ERCC6L2: variants seen among roughly 807,000 people sequenced by gnomAD.
The protein encoded by ERCC6L2 is DNA excision repair protein ERCC-6-like 2.
In ERCC6L2, 77 loss-of-function variants were observed where a neutral mutation model predicts 132.0. The observed-to-expected ratio is 0.58, with a 90% CI of 0.49 to 0.71. The LOEUF (loss-of-function observed/expected upper bound fraction) is 0.71, where lower values mean the gene tolerates loss of function less well. ERCC6L2 is among the 30% of genes least tolerant of loss of function. The pLI is 0.00. For missense variants in ERCC6L2, 1,542 were observed against 1,837.6 expected, an observed-to-expected ratio of 0.84 and a Z score of 2.94; for synonymous variants, 583 against 632.4, an observed-to-expected ratio of 0.92 and a Z score of 1.17.
chr9:96,007,620 C>T (rs1833903338), intron 18 of ERCC6L2, among the ~76,000 whole-genome samples: 1 of 152,160 alleles, frequency 6.6e-6, no homozygotes, highest in Non-Finnish European at 1.5e-5. Flanking sequence ...ATGCAAGAGC[C>T]TTGCCTTGCA....
At chr9:95,916,564 G>A (rs971975704) in intron 6 of ERCC6L2, 130 bp downstream of exon 6, 2 of 652,588 alleles carry the variant, frequency 3.1e-6, no homozygotes, top group Admixed American at 3.8e-5. Flanking sequence ...GGAAAAAATT[G>A]TTGCGCGCAG....
At chr9:95,912,600 A>T (rs1231470344) in intron 4 of ERCC6L2, among the ~76,000 whole-genome samples, 1 of 152,218 alleles carries the variant, frequency 6.6e-6, no homozygotes, top group African/African-American at 2.4e-5. Context: ...ATTGTCACAC[A>T]CAAGAATATT....
chr9:96,002,751 G>A (rs1833732947), intron 17 of ERCC6L2, among the ~76,000 whole-genome samples: 2 of 152,138 alleles, frequency 1.3e-5, no homozygotes, highest in Non-Finnish European at 2.9e-5. Context: ...GCATTTCTTT[G>A]TAGGATGTCT....
intron 1 of ERCC6L2, among the ~76,000 whole-genome samples, chr9:95,878,246 G>A (rs1050293352): frequency 2.0e-5 from 3 of 152,134 alleles, no homozygotes; most frequent in Non-Finnish European, 4.4e-5. Flanking sequence ...GCATTACAAG[G>A]GCAAGAGACT....
intron 1 of ERCC6L2, among the ~76,000 whole-genome samples, chr9:95,878,967 G>C (rs988404921): frequency 1.1e-4 from 17 of 152,060 alleles, no homozygotes; most frequent in African/African-American, 4.1e-4. Context: ...ATAAACATAC[G>C]TGTGCATGTG....
chr9:95,935,590 T>A (rs1189534789), intron 11 of ERCC6L2, among the ~76,000 whole-genome samples: 1 of 152,104 alleles, frequency 6.6e-6, no homozygotes, highest in Non-Finnish European at 1.5e-5. Context: ...AGGAGAAAGA[T>A]TTAGTTCAGG....
chr9:95,985,706 G>A (rs16910430), intron 17 of ERCC6L2, among the ~76,000 whole-genome samples: 4,607 of 152,054 alleles, frequency 0.03, 245 homozygotes, highest in African/African-American at 0.11. Flanking sequence ...TGTCCTTTCC[G>A]TAGTATACGA....
chr9:95,899,632 GCGTA>G (rs1407117111), intron 3 of ERCC6L2, among the ~76,000 whole-genome samples: 1 of 131,950 alleles, frequency 7.6e-6, no homozygotes, highest in Non-Finnish European at 1.7e-5. Flanking sequence ...GTGTGTGTGT[GCGTA>G]TGTATGCATA....
chr9:95,920,292 C>T (rs1026913007), intron 6 of ERCC6L2, among the ~76,000 whole-genome samples: 6 of 152,184 alleles, frequency 3.9e-5, no homozygotes, highest in Admixed American at 3.3e-4. Context: ...TTATTCTCCT[C>T]AGCCTACTCA....
intron 1 of ERCC6L2, among the ~76,000 whole-genome samples, chr9:95,879,622 C>T (rs1337720616): frequency 1.3e-5 from 2 of 152,118 alleles, no homozygotes; most frequent in Non-Finnish European, 2.9e-5. Flanking sequence ...AGTTTGGGTC[C>T]AGAGAGTAGA....
intron 17 of ERCC6L2, among the ~76,000 whole-genome samples, chr9:95,998,254 G>T (rs1833538280): frequency 6.6e-6 from 1 of 152,044 alleles, no homozygotes; most frequent in Non-Finnish European, 1.5e-5. Context: ...ACCTTTGGAG[G>T]GTCGGTGGAC....
chr9:95,972,174 A>T lies in ERCC6L2; in HGVS notation c.2423A>T (p.Asp808Val). ...GAAACAAAATGTAAAGCAGTTGAGG[A>T]TAGTGATGGAAATACTGCCTCTGAT... ...LLETKCKAVE[D>V]SDGNTASDDE... Residue 808 changes from aspartate (D) to valine (V), a missense_variant, in exon 16 of 19, where the codon GAT becomes GTT. Asp to Val is a radical substitution (Grantham distance 152). Transcript: ENST00000653738. 1 of 1,304,284 alleles carries T rather than the reference A, an allele frequency of 7.7e-7. No individual in the cohort carries two copies. Among genetic ancestry groups the T allele is most frequent in the Non-Finnish European group, 1.0e-6 (1 of 988,944 alleles). The allele number at this position is 1,304,284 out of a possible 1,614,324, so 80.8% of individuals were successfully genotyped here.
At chr9:96,037,555 G>A (rs1396763274) in intron 19 of ERCC6L2, among the ~76,000 whole-genome samples, 1 of 152,238 alleles carries the variant, frequency 6.6e-6, no homozygotes, top group Admixed American at 6.5e-5. Context: ...ACCAGGTGGA[G>A]AGAGATGCTG....
intron 11 of ERCC6L2, among the ~76,000 whole-genome samples, chr9:95,935,004 T>C (rs751147110): frequency 2.6e-5 from 4 of 152,196 alleles, no homozygotes; most frequent in Non-Finnish European, 5.9e-5. Flanking sequence ...AAAATCTGCC[T>C]TTACTGCTTT....
intron 16 of ERCC6L2, among the ~76,000 whole-genome samples, chr9:95,973,526 G>A (rs1483972483): frequency 2.0e-5 from 3 of 152,168 alleles, no homozygotes; most frequent in African/African-American, 4.8e-5. Context: ...CATGGCGGAA[G>A]GCAGTGAGGA....
At chr9:96,026,678 CACACACACCACACT>C (rs1186662029) in intron 19 of ERCC6L2, among the ~76,000 whole-genome samples, 1 of 143,816 alleles carries the variant, frequency 7.0e-6, no homozygotes, top group Non-Finnish European at 1.5e-5. Context: ...CACAGCACAC[CACACACACCACACT>C]ACACACAAAC....
intron 3 of ERCC6L2, among the ~76,000 whole-genome samples, chr9:95,901,700 C>T (rs1026809469): frequency 1.3e-5 from 2 of 152,142 alleles, no homozygotes; most frequent in African/African-American, 4.8e-5. Flanking sequence ...CTGGTACTGC[C>T]CTTCCAGGCA....
chr9:95,881,201 C>G lies in ERCC6L2; in HGVS notation c.379C>G (p.Gln127Glu), dbSNP rs146075543. 2.1e-4 allele frequency: 335 copies of G among 1,608,670 alleles called. 2 individuals carry two copies. Among genetic ancestry groups the G allele is most frequent in the Admixed American group, 1.3e-3 (76 of 58,450 alleles). ...CATCAATAGGTATTTGAGAGACTAC[C>G]AAAGAGAAGGAACCCGGTTTCTTTA... is the stretch of plus-strand genomic sequence containing the variant. Reference protein sequence around the residue: ...YTINRYLRDYQREGTRFLYGH... With the variant: ...YTINRYLRDYEREGTRFLYGH... The change falls in exon 2 of 19, where the codon CAA becomes GAA. Residue 127 changes from glutamine to glutamate, a missense_variant. By Grantham distance (29) the Gln-to-Glu change is conservative. Coordinates refer to ENST00000653738, the MANE Select transcript of ERCC6L2 (RefSeq NM_020207.7).
At position 96,016,202 on chromosome 9, in the gene ERCC6L2, G is replaced by A. The variant is rs1834182823; in HGVS notation, c.*2999G>A. On this transcript the variant is annotated 3_prime_UTR_variant, in exon 19 of 19. Transcript: ENST00000653738. ...AAATTGGTGATGGATTAGATCAGTG[G>A]TGGTCAGCCATTTTCTTAAAGCAAC... 6.6e-6 allele frequency among the ~76,000 whole-genome samples: 1 copy of A among 152,144 alleles called. No homozygotes were observed. Among genetic ancestry groups the A allele is most frequent in the Non-Finnish European group, 1.5e-5 (1 of 68,038 alleles).
Sources: gnomAD v4.1 joint callset for allele counts (sites outside exome capture counted in the v4.1 genomes callset) on GRCh38, gnomAD v4.1.1 for gene constraint, MANE v1.5 for transcripts, NCBI Gene and HGNC (gene_info 2026-07-23, HGNC 2026-07-21) for gene names.